FBXO47: variants seen among roughly 807,000 people sequenced by gnomAD.
FBXO47 encodes F-box only protein 47.
A neutral mutation model predicts 53.9 loss-of-function variants in FBXO47; 34 were observed. That is an observed-to-expected ratio of 0.63 (90% CI 0.48 to 0.84). The LOEUF is 0.84. FBXO47 is among the 40% of genes least tolerant of loss of function. The pLI, the probability that FBXO47 is intolerant of heterozygous loss-of-function variation, is 0.00. For synonymous variants in FBXO47, 165 were observed against 181.6 expected, an observed-to-expected ratio of 0.91 and a Z score of 0.73; for missense variants, 485 against 541.3, an observed-to-expected ratio of 0.90 and a Z score of 1.03.
At chr17:38,964,320 G>T (rs1225588785) in intron 1 of FBXO47, among the ~76,000 whole-genome samples, 1 of 152,064 alleles carries the variant, frequency 6.6e-6, no homozygotes, top group Non-Finnish European at 1.5e-5. Flanking sequence ...ATTAGGCTGG[G>T]CCCAGTGGCT....
rs542847110 is a variant in FBXO47 at position 38,952,015 on chromosome 17, A to C, written c.508-326T>G. On this transcript the variant is annotated intron_variant, in intron 5 of 10. Transcript: ENST00000378079. ...GCACTCCAGCCTGGGCGACAAGAGC[A>C]AAGCTCTGTCACAAAAAACAAACAA... Among the ~76,000 whole-genome samples the C allele has an allele frequency of 2.0e-5, 3 of 152,180 alleles. No individual in the cohort carries two copies. The East Asian group carries it at 5.8e-4, about 29-fold the overall frequency.
At chr17:38,951,502 T>TA in intron 6 of FBXO47, 79 bp downstream of exon 6, 2 of 1,172,792 alleles carry the variant, frequency 1.7e-6, no homozygotes, top group East Asian at 5.3e-5. Flanking sequence ...CCCAAATTAC[T>TA]TTTAATTACA....
intron 10 of FBXO47, 87 bp downstream of exon 10, chr17:38,938,486 G>A: frequency 1.1e-6 from 1 of 909,610 alleles, no homozygotes; most frequent in Admixed American, 2.6e-5. Context: ...TCCATTCTTG[G>A]ACTGTTAGAG....
At chr17:38,938,297 C>T (rs533604666) in intron 10 of FBXO47, among the ~76,000 whole-genome samples, 132 of 152,264 alleles carry the variant, frequency 8.7e-4, no homozygotes, top group African/African-American at 3.0e-3. Context: ...GAAAGTGGTT[C>T]CTTTCAAAGC....
At chr17:38,947,211 A>T (rs111290356) in intron 6 of FBXO47, among the ~76,000 whole-genome samples, 4,931 of 150,656 alleles carry the variant, frequency 0.033, 242 homozygotes, top group African/African-American at 0.098. Context: ...GAGACAGGAG[A>T]ATCACTTGAA....
chr17:38,947,475 A>G (rs1381021758), intron 6 of FBXO47, among the ~76,000 whole-genome samples: 1 of 151,912 alleles, frequency 6.6e-6, no homozygotes, highest in Non-Finnish European at 1.5e-5. Flanking sequence ...ACCACAGGCT[A>G]ATTTTATTTT....
At chr17:38,950,245 G>A (rs768471580) in intron 6 of FBXO47, among the ~76,000 whole-genome samples, 1 of 151,830 alleles carries the variant, frequency 6.6e-6, no homozygotes, top group Non-Finnish European at 1.5e-5. Flanking sequence ...CCCGTTCTAG[G>A]TATCTCATGT....
chr17:38,943,257 C>G (rs1904590066), intron 8 of FBXO47, among the ~76,000 whole-genome samples: 1 of 152,084 alleles, frequency 6.6e-6, no homozygotes. Flanking sequence ...AATTGTTTCA[C>G]CTTTCCTTTA....
At chr17:38,942,611 A>C (rs1348049412) in intron 9 of FBXO47, among the ~76,000 whole-genome samples, 167 bp downstream of exon 9, 1 of 152,116 alleles carries the variant, frequency 6.6e-6, no homozygotes, top group East Asian at 1.9e-4. Context: ...AACAAAACAA[A>C]AGAAAACATA....
At chr17:38,944,848 A>ATGTGGGTGTGTGTGTGTG in intron 7 of FBXO47, 112 bp downstream of exon 7, 1 of 615,522 alleles carries the variant, frequency 1.6e-6, no homozygotes, top group Non-Finnish European at 2.7e-6. Context: ...GCGTGCATGC[A>ATGTGGGTGTGTGTGTGTG]TGTGTGTGTG....
intron 5 of FBXO47, among the ~76,000 whole-genome samples, chr17:38,954,500 C>T (rs991765043): frequency 6.6e-6 from 1 of 151,980 alleles, no homozygotes; most frequent in African/African-American, 2.4e-5. Context: ...CAAGACTAAA[C>T]TCATTATATA....
In FBXO47 at chr17:38,945,162, C is replaced by G. The variant is rs1457209067; in HGVS notation, c.617-26G>C. 3.9e-6 allele frequency: 6 copies of G among 1,550,384 alleles called. No individual in the cohort carries two copies. In the South Asian group the frequency reaches 6.7e-5, roughly 17 times the overall value. ...CTATGAAGACAAAAGAATTGTAAAT[C>G]ATTCTTCGTAGAAAGGCTGCTGTGC... On this transcript the variant is annotated intron_variant, in intron 6 of 10. Transcript: ENST00000378079.
At chr17:38,953,318 CA>C (rs977619185) in intron 5 of FBXO47, among the ~76,000 whole-genome samples, 2 of 150,240 alleles carry the variant, frequency 1.3e-5, no homozygotes, top group Non-Finnish European at 3.0e-5. Context: ...GACTCCGTCT[CA>C]AAAAAAGAAA....
At chr17:38,952,736 C>T (rs1374078789) in intron 5 of FBXO47, among the ~76,000 whole-genome samples, 1 of 151,820 alleles carries the variant, frequency 6.6e-6, no homozygotes, top group Non-Finnish European at 1.5e-5. Flanking sequence ...TTTGACCTCC[C>T]CTAGTTGTCA....
At chr17:38,937,519 G>C (rs1345446820) in intron 10 of FBXO47, among the ~76,000 whole-genome samples, 1 of 151,456 alleles carries the variant, frequency 6.6e-6, no homozygotes, top group Non-Finnish European at 1.5e-5. Flanking sequence ...ACCACACCTG[G>C]CTAATTTTTG....
At chr17:38,964,049 C>T (rs1316048623) in intron 1 of FBXO47, among the ~76,000 whole-genome samples, 1 of 152,032 alleles carries the variant, frequency 6.6e-6, no homozygotes, top group East Asian at 1.9e-4. Flanking sequence ...CTCAAGTGAT[C>T]CTCCCACCTC....
chr17:38,967,060 T>C (rs1650663323), intron 1 of FBXO47, among the ~76,000 whole-genome samples, 169 bp downstream of exon 1: 1 of 152,106 alleles, frequency 6.6e-6, no homozygotes, highest in South Asian at 2.1e-4. Context: ...CCACCCCATC[T>C]GTCGGGCAGC....
intron 6 of FBXO47, among the ~76,000 whole-genome samples, chr17:38,948,186 C>T (rs1905032634): frequency 6.6e-6 from 1 of 150,458 alleles, no homozygotes; most frequent in South Asian, 2.1e-4. Context: ...CTTTCCATCT[C>T]CATGGATTTC....
At chr17:38,945,666 G>A (rs1217196914) in intron 6 of FBXO47, among the ~76,000 whole-genome samples, 1 of 151,914 alleles carries the variant, frequency 6.6e-6, no homozygotes, top group African/African-American at 2.4e-5. Flanking sequence ...GCCGGGTGCC[G>A]TGGCTCACAC....
Sources: gnomAD v4.1 joint callset for allele counts (sites outside exome capture counted in the v4.1 genomes callset) on GRCh38, gnomAD v4.1.1 for gene constraint, MANE v1.5 for transcripts, NCBI Gene and HGNC (gene_info 2026-07-23, HGNC 2026-07-21) for gene names.